PRKCA: variants seen among roughly 807,000 people sequenced by gnomAD.
PRKCA encodes the protein protein kinase C alpha type.
A neutral mutation model predicts 87.0 loss-of-function variants in PRKCA; 27 were observed. The observed-to-expected ratio is 0.31, with a 90% CI of 0.23 to 0.43. PRKCA has a LOEUF of 0.43. Among genes scored for constraint, PRKCA ranks in the 20% least tolerant of loss-of-function variants. The pLI, the probability that PRKCA is intolerant of heterozygous loss-of-function variation, is 1.00. For missense variants in PRKCA, 518 were observed against 852.3 expected (o/e 0.61, Z 4.88); for synonymous variants, 329 against 311.1 (o/e 1.06, Z -0.61).
At chr17:66,731,301 G>A (rs1473267712) in intron 8 of PRKCA, among the ~76,000 whole-genome samples, 1 of 147,476 alleles carries the variant, frequency 6.8e-6, no homozygotes, top group Non-Finnish European at 1.5e-5. Context: ...CTGAGATCGC[G>A]CCACTGCACT....
At chr17:66,394,807 C>A (rs1027754521) in intron 2 of PRKCA, among the ~76,000 whole-genome samples, 20 of 152,150 alleles carry the variant, frequency 1.3e-4, no homozygotes, top group African/African-American at 4.8e-4. Flanking sequence ...GCTCTTTCCC[C>A]CTGCTGGGCT....
At chr17:66,385,412 C>T (rs1272640775) in intron 2 of PRKCA, among the ~76,000 whole-genome samples, 1 of 152,222 alleles carries the variant, frequency 6.6e-6, no homozygotes, top group Non-Finnish European at 1.5e-5. Context: ...ATCATCCACA[C>T]ATAGATGTGG....
chr17:66,445,067 A>T (rs577679859), intron 2 of PRKCA, among the ~76,000 whole-genome samples: 16 of 151,978 alleles, frequency 1.1e-4, no homozygotes, highest in Non-Finnish European at 2.2e-4. Context: ...TGTCATCCAG[A>T]TGTCGCCTTT....
chr17:66,451,359 T>C (rs1270812474), intron 2 of PRKCA, among the ~76,000 whole-genome samples: 1 of 150,804 alleles, frequency 6.6e-6, no homozygotes, highest in African/African-American at 2.4e-5. Flanking sequence ...TTTATTTATT[T>C]ATTTATTTAT....
chr17:66,516,890 G>C (rs1966986050), intron 3 of PRKCA, among the ~76,000 whole-genome samples: 1 of 152,170 alleles, frequency 6.6e-6, no homozygotes, highest in African/African-American at 2.4e-5. Flanking sequence ...AGCAGTGATG[G>C]TTCCCCTAGG....
Position 66,570,247 on chromosome 17 carries a change from A to G in PRKCA, c.289-71108A>G, listed in dbSNP as rs74934717. 8.5e-5 allele frequency among the ~76,000 whole-genome samples: 13 copies of G among 152,326 alleles called. No individual in the cohort carries two copies. In the East Asian group the frequency reaches 2.5e-3, roughly 29 times the overall value. On this transcript the variant is annotated intron_variant, in intron 3 of 16. Transcript: ENST00000413366. ...GAGAAGAGTGACTAGAACAGGCACA[A>G]GGGGACTTCTGGGGCTCTCGTTCCA...
chr17:66,779,166 C>T (rs910588096), intron 14 of PRKCA, among the ~76,000 whole-genome samples: 3 of 152,174 alleles, frequency 2.0e-5, no homozygotes, highest in Non-Finnish European at 2.9e-5. Flanking sequence ...ATGATAAAGT[C>T]GTTGACAGGG....
At chr17:66,589,601 C>G (rs528588417) in intron 3 of PRKCA, among the ~76,000 whole-genome samples, 2 of 152,248 alleles carry the variant, frequency 1.3e-5, no homozygotes, top group African/African-American at 4.8e-5. Flanking sequence ...CCTGGAATTG[C>G]AGGGTGAAAG....
At chr17:66,655,914 A>G (rs377211213) in intron 5 of PRKCA, among the ~76,000 whole-genome samples, 3 of 152,188 alleles carry the variant, frequency 2.0e-5, no homozygotes, top group East Asian at 1.9e-4. Flanking sequence ...AAAAGGTTGC[A>G]TCTTCTCAGA....
rs60532277 is a variant in PRKCA, at chr17:66,660,918, T to TAAA, written c.529+15407_529+15408insAAA. Among the ~76,000 whole-genome samples the TAAA allele has an allele frequency of 1.6e-3, 247 of 151,374 alleles. 3 individuals carry two copies. The highest frequency in any genetic ancestry group is 3.4e-3 in the Middle Eastern group (1 of 292). ...AGCAAGACGCTGTCTTAAAAATAAA[T>TAAA]TAATTAATTAATTAATTAAAGGATA... On this transcript the variant is annotated intron_variant, in intron 5 of 16. Transcript: ENST00000413366.
intron 2 of PRKCA, among the ~76,000 whole-genome samples, chr17:66,393,095 T>G (rs1910455205): frequency 6.6e-6 from 1 of 152,106 alleles, no homozygotes; most frequent in Admixed American, 6.6e-5. Context: ...CGGAGGTGAT[T>G]TTAAACATAA....
chr17:66,499,205 G>C (rs766132725), intron 3 of PRKCA, among the ~76,000 whole-genome samples: 50 of 152,036 alleles, frequency 3.3e-4, no homozygotes, highest in Middle Eastern at 3.4e-3. Context: ...GGTATAGAGT[G>C]GGGAGAGAAG....
intron 3 of PRKCA, among the ~76,000 whole-genome samples, chr17:66,616,142 C>T (rs369678078): frequency 2.6e-5 from 4 of 152,114 alleles, no homozygotes; most frequent in African/African-American, 9.7e-5. Context: ...TCTGACTGGG[C>T]CCTAGCAAAT....
chr17:66,350,169 TTTTA>T (rs1458287548), intron 2 of PRKCA, among the ~76,000 whole-genome samples: 2 of 152,110 alleles, frequency 1.3e-5, no homozygotes. Context: ...AACAGTGCCT[TTTTA>T]TTTTTTTCCT....
chr17:66,393,173 G>A (rs1284931307), intron 2 of PRKCA, among the ~76,000 whole-genome samples: 2 of 152,132 alleles, frequency 1.3e-5, no homozygotes. Flanking sequence ...GCAAATCTGG[G>A]TATTGGTTTT....
At chr17:66,698,491 T>G (rs555854148) in intron 8 of PRKCA, among the ~76,000 whole-genome samples, 2 of 152,186 alleles carry the variant, frequency 1.3e-5, no homozygotes, top group Admixed American at 1.3e-4. Context: ...GCAGATTTGA[T>G]CAAGTAGAAG....
At chr17:66,691,749 A>G (rs1424623712) in intron 8 of PRKCA, among the ~76,000 whole-genome samples, 1 of 148,626 alleles carries the variant, frequency 6.7e-6, no homozygotes, top group East Asian at 2.1e-4. Context: ...GATCACGAGC[A>G]GTCACTGGGT....
rs879374980 is a variant in PRKCA at position 66,805,342 on chromosome 17, T to C, written c.*1305T>C. On this transcript the variant is annotated 3_prime_UTR_variant, in exon 17 of 17. Coordinates refer to ENST00000413366, the MANE Select transcript of PRKCA (RefSeq NM_002737.3). ...AATCTATATTATTGATATAATCGTA[T>C]CAAGTATAAAGAGAGTATTATAATA... is the stretch of plus-strand genomic sequence containing the variant. The C allele has an allele frequency of 6.2e-6, 1 of 162,370 alleles. No individual in the cohort carries two copies. Among genetic ancestry groups the C allele is most frequent in the African/African-American group, 2.4e-5 (1 of 41,596 alleles). The allele number at this position is 162,370 out of a possible 1,614,324, so 10.1% of individuals were successfully genotyped here.
At chr17:66,642,376 G>A (rs991750710) in intron 4 of PRKCA, among the ~76,000 whole-genome samples, 5 of 152,058 alleles carry the variant, frequency 3.3e-5, no homozygotes, top group African/African-American at 1.2e-4. Flanking sequence ...TGATCCGCCC[G>A]CCTCGGCCTC....
Sources: gnomAD v4.1 joint callset for allele counts (sites outside exome capture counted in the v4.1 genomes callset) on GRCh38, gnomAD v4.1.1 for gene constraint, MANE v1.5 for transcripts, NCBI Gene and HGNC (gene_info 2026-07-23, HGNC 2026-07-21) for gene names.